Variants in OCA2 observed in about 807,000 individuals in gnomAD.
The protein encoded by OCA2 is OCA2 melanosomal transmembrane protein, also known as P protein.
Under a neutral mutation model 100.2 loss-of-function variants are expected in OCA2, and 77 were observed. That is an observed-to-expected ratio of 0.77 (90% CI 0.64 to 0.93). OCA2 has a LOEUF of 0.93. OCA2 is among the 40% of genes least tolerant of loss of function. OCA2 has a pLI of 0.00. For missense variants in OCA2, 1,062 were observed against 1,089.1 expected, an observed-to-expected ratio of 0.98 and a Z score of 0.35; for synonymous variants, 432 against 439.2, an observed-to-expected ratio of 0.98 and a Z score of 0.21.
chr15:27,866,544 C>T (rs2036331446), intron 21 of OCA2, among the ~76,000 whole-genome samples: 1 of 152,190 alleles, frequency 6.6e-6, no homozygotes, highest in Non-Finnish European at 1.5e-5. Context: ...CAAACACTTG[C>T]TAAATATCTT....
chr15:27,956,723 C>A (rs995663823), intron 16 of OCA2, among the ~76,000 whole-genome samples: 1 of 152,200 alleles, frequency 6.6e-6, no homozygotes, highest in African/African-American at 2.4e-5. Context: ...CATTACTGGG[C>A]GAGATGGGTC....
intron 18 of OCA2, among the ~76,000 whole-genome samples, chr15:27,946,780 T>C (rs2039853860): frequency 6.6e-6 from 1 of 152,238 alleles, no homozygotes; most frequent in Admixed American, 6.5e-5. Flanking sequence ...AGGCAGGTCA[T>C]TGAAACCAGA....
intron 22 of OCA2, among the ~76,000 whole-genome samples, chr15:27,847,857 T>C (rs777542056): frequency 1.3e-5 from 2 of 152,178 alleles, no homozygotes; most frequent in Admixed American, 6.5e-5. Flanking sequence ...ATTTACCTCC[T>C]GGGGACAGGC....
At chr15:28,073,152 A>G (rs1451147648) in intron 2 of OCA2, among the ~76,000 whole-genome samples, 1 of 152,172 alleles carries the variant, frequency 6.6e-6, no homozygotes, top group Non-Finnish European at 1.5e-5. Flanking sequence ...GGTGGCTCAC[A>G]CCTGTAATCC....
At chr15:27,961,776 C>T (rs1243554055) in intron 15 of OCA2, among the ~76,000 whole-genome samples, 2 of 151,908 alleles carry the variant, frequency 1.3e-5, no homozygotes, top group African/African-American at 4.8e-5. Context: ...GGGAGGGGAT[C>T]ATCACACACC....
chr15:27,791,721 G>C (rs2033091628), intron 23 of OCA2, among the ~76,000 whole-genome samples: 1 of 152,202 alleles, frequency 6.6e-6, no homozygotes, highest in Non-Finnish European at 1.5e-5. Flanking sequence ...AAGCAGGGAA[G>C]ATTCAGATGG....
chr15:27,735,063 A>C, the OCA2 span, among the ~76,000 whole-genome samples: 2 of 152,186 alleles, frequency 1.3e-5, no homozygotes, highest in African/African-American at 4.8e-5. Flanking sequence ...ATTAACTACT[A>C]AGGAAGCTTT....
chr15:28,012,636 GAGA>G (rs1366248277), intron 9 of OCA2, among the ~76,000 whole-genome samples: 1 of 152,114 alleles, frequency 6.6e-6, no homozygotes, highest in African/African-American at 2.4e-5. Flanking sequence ...GCTTTTTGTA[GAGA>G]AGGAGAGGTT....
chr15:27,914,970 A>G (rs963705027), intron 19 of OCA2, among the ~76,000 whole-genome samples: 5 of 152,188 alleles, frequency 3.3e-5, no homozygotes, highest in African/African-American at 1.2e-4. Context: ...ACTATACTAC[A>G]TGACTACAGT....
chr15:27,722,649 CTTTT>C, the OCA2 span, among the ~76,000 whole-genome samples: 8 of 139,296 alleles, frequency 5.7e-5, no homozygotes, highest in South Asian at 2.4e-4. Flanking sequence ...TTCCTTCCTT[CTTTT>C]CTCTCTTTCT....
rs920214032 is a variant in OCA2 at position 27,846,055 on chromosome 15, G to A, written c.2339-1003C>T. ...GTGAACCATTCTGGCTCCAAAGGAA[G>A]ATCAGTGAGAGGTGGGGCTCAGGCT... On this transcript the variant is annotated intron_variant, in intron 22 of 23. Coordinates refer to ENST00000354638, the MANE Select transcript of OCA2 (RefSeq NM_000275.3). Among the ~76,000 whole-genome samples, 8 of 152,272 alleles carry A rather than the reference G, an allele frequency of 5.3e-5. 1 individual carries two copies. The highest frequency in any genetic ancestry group is 6.5e-5 in the Admixed American group (1 of 15,306).
chr15:28,023,758 C>G (rs889388064), intron 5 of OCA2, among the ~76,000 whole-genome samples: 2 of 152,148 alleles, frequency 1.3e-5, no homozygotes, highest in Non-Finnish European at 2.9e-5. Flanking sequence ...AGCACAGGCA[C>G]AACCCATCAT....
chr15:27,875,248 A>C lies in OCA2; in HGVS notation c.2080-3326T>G, dbSNP rs1049230481. ...TGATTCACCACCATTTGTTGAAAAAATGTTTTCTTTCCTAAATAAATTGCT... is the reference window on the plus strand; with the variant it reads ...TGATTCACCACCATTTGTTGAAAAACTGTTTTCTTTCCTAAATAAATTGCT... On this transcript the variant is annotated intron_variant, in intron 19 of 23. Transcript: ENST00000354638. 3.9e-5 allele frequency among the ~76,000 whole-genome samples: 6 copies of C among 152,182 alleles called. No individual in the cohort carries two copies. In the South Asian group the frequency reaches 1.2e-3, roughly 31 times the overall value.
intron 2 of OCA2, among the ~76,000 whole-genome samples, chr15:28,051,667 G>A (rs1275826269): frequency 7.0e-6 from 1 of 142,718 alleles, no homozygotes; most frequent in African/African-American, 2.7e-5. Flanking sequence ...GAGTGTAGTG[G>A]CTATTCATTC....
At chr15:28,067,536 T>C (rs2044063512) in intron 2 of OCA2, among the ~76,000 whole-genome samples, 1 of 152,212 alleles carries the variant, frequency 6.6e-6, no homozygotes, top group African/African-American at 2.4e-5. Context: ...ATTATGTCCT[T>C]ATTTTCATTA....
At chr15:27,942,663 G>A (rs895845554) in intron 18 of OCA2, among the ~76,000 whole-genome samples, 1 of 152,134 alleles carries the variant, frequency 6.6e-6, no homozygotes, top group African/African-American at 2.4e-5. Context: ...ATTTTATGTT[G>A]TGTGAATTCT....
intron 6 of OCA2, among the ~76,000 whole-genome samples, 176 bp from the exon 7 acceptor site, chr15:28,018,733 C>T (rs1017285318): frequency 1.3e-5 from 2 of 152,210 alleles, no homozygotes; most frequent in African/African-American, 4.8e-5. Flanking sequence ...CATCTCAGCC[C>T]TCATTCAAGA....
intron 19 of OCA2, among the ~76,000 whole-genome samples, chr15:27,873,939 T>A (rs1281753619): frequency 6.6e-6 from 1 of 152,230 alleles, no homozygotes; most frequent in Non-Finnish European, 1.5e-5. Flanking sequence ...TACATATTAC[T>A]TGTCTCCTTC....
At chr15:27,849,540 T>TTAA (rs112353258) in intron 22 of OCA2, among the ~76,000 whole-genome samples, 6 of 148,766 alleles carry the variant, frequency 4.0e-5, no homozygotes, top group African/African-American at 9.9e-5. Flanking sequence ...TCAGACCAGT[T>TTAA]AAAAAAAAAA....
Sources: allele counts gnomAD v4.1 joint callset (sites outside exome capture counted in the v4.1 genomes callset), GRCh38; gene constraint gnomAD v4.1.1; transcripts MANE v1.5; gene names NCBI Gene and HGNC (gene_info 2026-07-23, HGNC 2026-07-21).